MEGF10: variants seen among roughly 807,000 people sequenced by gnomAD.
MEGF10 encodes the protein multiple EGF like domains 10.
MEGF10 carries 86 observed loss-of-function variants against 147.5 expected under a neutral mutation model. The observed-to-expected ratio is 0.58, with a 90% confidence interval of 0.49 to 0.70. MEGF10 has a LOEUF of 0.70. Among genes scored for constraint, MEGF10 ranks in the 30% least tolerant of loss-of-function variants. The pLI is 0.00. For synonymous variants in MEGF10, 478 were observed against 525.5 expected (o/e 0.91, Z 1.24); for missense variants, 1,329 against 1,487.3 (o/e 0.89, Z 1.75).
At chr5:127,394,066 C>T (rs149362087) in intron 5 of MEGF10, among the ~76,000 whole-genome samples, 1 of 152,092 alleles carries the variant, frequency 6.6e-6, no homozygotes, top group Non-Finnish European at 1.5e-5. Flanking sequence ...TGTAATAACC[C>T]ACCGTGATTT....
the MEGF10 span, among the ~76,000 whole-genome samples, chr5:127,280,282 T>C: frequency 3.3e-4 from 51 of 152,346 alleles, no homozygotes; most frequent in Non-Finnish European, 5.4e-4. Flanking sequence ...TGCGTGATGA[T>C]TCAGATGTGC....
the MEGF10 span, chr5:127,229,744 G>C: frequency 6.6e-6 from 1 of 152,134 alleles, no homozygotes; most frequent in African/African-American, 2.4e-5. Context: ...CAGCCGGCAT[G>C]GCGTCTCTGC....
chr5:127,402,971 G>A (rs1156709079), intron 8 of MEGF10, among the ~76,000 whole-genome samples: 1 of 152,170 alleles, frequency 6.6e-6, no homozygotes, highest in Non-Finnish European at 1.5e-5. Flanking sequence ...AGAGAGTTGA[G>A]TGTTTAGTAC....
At chr5:127,448,949 G>C in intron 21 of MEGF10, 150 bp from the exon 22 acceptor site, 4 of 919,282 alleles carry the variant, frequency 4.4e-6, no homozygotes, top group East Asian at 5.5e-5. Flanking sequence ...AGTCCCACCA[G>C]GTTACAAGCA....
At chr5:127,240,754 A>C in the MEGF10 span, among the ~76,000 whole-genome samples, 1 of 152,230 alleles carries the variant, frequency 6.6e-6, no homozygotes, top group Non-Finnish European at 1.5e-5. Flanking sequence ...CTAAAATTAA[A>C]ATTGTGAATC....
At chr5:127,308,341 C>T (rs1307422438) in intron 1 of MEGF10, among the ~76,000 whole-genome samples, 2 of 152,114 alleles carry the variant, frequency 1.3e-5, no homozygotes, top group African/African-American at 2.4e-5. Context: ...ACGTAAGGAA[C>T]ACAAACAGGT....
At chr5:127,272,595 T>A in the MEGF10 span, among the ~76,000 whole-genome samples, 1 of 152,222 alleles carries the variant, frequency 6.6e-6, no homozygotes, top group South Asian at 2.1e-4. Flanking sequence ...CTGTCCTCTC[T>A]GATTTCCTTG....
Position 127,331,436 on chromosome 5 carries a change from G to A in MEGF10, c.116+12G>A, listed in dbSNP as rs775584154. 6.7e-7 allele frequency: 1 copy of A among 1,498,094 alleles called. No homozygotes were observed. The highest frequency in any genetic ancestry group is 2.3e-5 in the East Asian group (1 of 44,232). The allele number at this position is 1,498,094 out of a possible 1,614,324, so 92.8% of individuals were successfully genotyped here. A position where few individuals can be genotyped will look rare whatever the true frequency, so the allele number is the denominator to read the frequency against. On this transcript the variant is annotated intron_variant, in intron 2 of 24. Coordinates refer to ENST00000503335, the MANE Select transcript of MEGF10 (RefSeq NM_001256545.2). ...AGCCACTGGGAAAGGTAATGGTTTT[G>A]AAAGGAGCCTGACAAAGAATTGCTG... is the stretch of plus-strand genomic sequence containing the variant.
intron 1 of MEGF10, among the ~76,000 whole-genome samples, chr5:127,301,332 C>T (rs902761270): frequency 3.3e-5 from 5 of 152,116 alleles, no homozygotes; most frequent in African/African-American, 1.2e-4. Context: ...ACTGATAGAA[C>T]ATTCCAGCTT....
At chr5:127,375,749 A>G (rs1290084929) in intron 5 of MEGF10, among the ~76,000 whole-genome samples, 3 of 150,800 alleles carry the variant, frequency 2.0e-5, no homozygotes, top group Admixed American at 6.6e-5. Context: ...GGCAAAGGCC[A>G]TATGTTATTA....
At chr5:127,349,089 T>A (rs1412426527) in intron 4 of MEGF10, among the ~76,000 whole-genome samples, 2 of 152,150 alleles carry the variant, frequency 1.3e-5, no homozygotes, top group East Asian at 3.8e-4. Context: ...AGTATACATT[T>A]AAAGAATAAA....
the MEGF10 span, among the ~76,000 whole-genome samples, chr5:127,273,403 G>C: frequency 6.6e-6 from 1 of 152,216 alleles, no homozygotes; most frequent in Non-Finnish European, 1.5e-5. Context: ...GTCCCAATGT[G>C]AGTACCTGGA....
the MEGF10 span, among the ~76,000 whole-genome samples, chr5:127,270,564 A>C: frequency 1.3e-5 from 2 of 152,232 alleles, no homozygotes; most frequent in African/African-American, 4.8e-5. Flanking sequence ...CCAATACAGG[A>C]GCACCCAGAT....
At chr5:127,336,518 C>G (rs1267667982) in intron 2 of MEGF10, among the ~76,000 whole-genome samples, 1 of 152,092 alleles carries the variant, frequency 6.6e-6, no homozygotes, top group Admixed American at 6.6e-5. Context: ...AACATTCCCT[C>G]TCATTTAAAA....
chr5:127,246,999 T>TATATATATATATATATATATATATATAC, the MEGF10 span, among the ~76,000 whole-genome samples: 50 of 126,596 alleles, frequency 3.9e-4, 1 homozygote, highest in African/African-American at 1.5e-3. Context: ...TATATATATA[T>TATATATATATATATATATATATATATAC]ATATATATAG....
intron 4 of MEGF10, among the ~76,000 whole-genome samples, chr5:127,342,501 T>C (rs1243259784): frequency 6.6e-6 from 1 of 152,136 alleles, no homozygotes; most frequent in Non-Finnish European, 1.5e-5. Context: ...CCTGAAGGCC[T>C]GGCATGTGGG....
intron 1 of MEGF10, among the ~76,000 whole-genome samples, chr5:127,296,567 C>T (rs879633722): frequency 6.6e-6 from 1 of 152,094 alleles, no homozygotes; most frequent in Admixed American, 6.5e-5. Flanking sequence ...GACTAAGTGC[C>T]TTGTCATTAA....
chr5:127,256,361 T>C, the MEGF10 span, among the ~76,000 whole-genome samples: 1 of 152,226 alleles, frequency 6.6e-6, no homozygotes, highest in African/African-American at 2.4e-5. Context: ...TAATTTTAAG[T>C]TAACATACAC....
the MEGF10 span, among the ~76,000 whole-genome samples, chr5:127,257,513 T>C: frequency 7.7e-3 from 1,177 of 152,274 alleles, 7 homozygotes; most frequent in Non-Finnish European, 0.012. Context: ...GTGGTACTGC[T>C]TCTTGTGCCT....
Sources: allele counts gnomAD v4.1 joint callset (sites outside exome capture counted in the v4.1 genomes callset), GRCh38; gene constraint gnomAD v4.1.1; transcripts MANE v1.5; gene names NCBI Gene and HGNC (gene_info 2026-07-23, HGNC 2026-07-21).